PTPN14: variants seen among roughly 807,000 people sequenced by gnomAD.
PTPN14 encodes tyrosine-protein phosphatase non-receptor type 14.
A neutral mutation model predicts 126.8 loss-of-function variants in PTPN14; 53 were observed. The ratio of observed to expected loss-of-function variants is 0.42; its 90% CI spans 0.34 to 0.53. PTPN14 has a LOEUF of 0.53. Ranked by LOEUF, PTPN14 falls within the 20% of genes least tolerant of loss-of-function variation. PTPN14 has a pLI of 0.08. For synonymous variants in PTPN14, 630 were observed against 599.3 expected (o/e 1.05, Z -0.75); for missense variants, 1,257 against 1,552.9 (o/e 0.81, Z 3.20).
At chr1:214,536,426 T>G (rs1366694445) in intron 1 of PTPN14, among the ~76,000 whole-genome samples, 2 of 151,262 alleles carry the variant, frequency 1.3e-5, no homozygotes, top group Non-Finnish European at 2.9e-5. Context: ...TAATTAGTTT[T>G]TTAAAAAATA....
At chr1:214,401,550 A>T (rs1355453284) in intron 7 of PTPN14, 135 bp downstream of exon 7, 1 of 728,752 alleles carries the variant, frequency 1.4e-6, no homozygotes, top group African/African-American at 1.8e-5. Context: ...ATCTATAATA[A>T]ATTGGACTTG....
At chr1:214,363,917 C>T (rs1658011155) in intron 18 of PTPN14, among the ~76,000 whole-genome samples, 1 of 152,214 alleles carries the variant, frequency 6.6e-6, no homozygotes, top group Non-Finnish European at 1.5e-5. Context: ...TGCACAGGCT[C>T]AGCAGCACCC....
At chr1:214,442,820 C>CTTTTTTTTTTTT (rs61357323) in intron 3 of PTPN14, among the ~76,000 whole-genome samples, 2 of 140,140 alleles carry the variant, frequency 1.4e-5, no homozygotes, top group Non-Finnish European at 1.6e-5. Context: ...GCATAGCTTT[C>CTTTTTTTTTTTT]TTTTTTTTTT....
At position 214,429,014 on chromosome 1, in the gene PTPN14, G is replaced by A. The variant is rs145625108; in HGVS notation, c.345-14288C>T. Among the ~76,000 whole-genome samples, 636 of 152,236 alleles carry A rather than the reference G, an allele frequency of 4.2e-3. 2 individuals are homozygous for A. The highest frequency in any genetic ancestry group is 0.015 in the African/African-American group (617 of 41,536). On this transcript the variant is annotated intron_variant, in intron 3 of 18. Coordinates refer to ENST00000366956, the MANE Select transcript of PTPN14 (RefSeq NM_005401.5). ...TGAAAACTCACCTAGAGCCACCACC[G>A]ACTTTACATTAGTAAACTAAGTCCA...
chr1:214,356,946 GATC>G lies in PTPN14; in HGVS notation c.*973_*975del, dbSNP rs1478983762. On this transcript the variant is annotated 3_prime_UTR_variant, in exon 19 of 19. Transcript: ENST00000366956. ...ACATCTTATTTAAATAAAAAACAAT[GATC>G]ATCAAGGCCCTGCCTGAAAAACACA... 6.6e-6 allele frequency: 1 copy of G among 152,178 alleles called. No homozygotes were observed. The highest frequency in any genetic ancestry group is 1.5e-5 in the Non-Finnish European group (1 of 68,068). 9.4% of individuals were successfully genotyped at this position (152,178 alleles called of 1,614,324 possible).
chr1:214,423,360 A>T (rs771522034), intron 3 of PTPN14, among the ~76,000 whole-genome samples: 2 of 152,132 alleles, frequency 1.3e-5, no homozygotes, highest in Non-Finnish European at 2.9e-5. Flanking sequence ...GATAAGAAAA[A>T]GAAATTCCCA....
intron 11 of PTPN14, 74 bp from the exon 12 acceptor site, chr1:214,386,996 C>A: frequency 7.3e-7 from 1 of 1,369,072 alleles, no homozygotes; most frequent in Non-Finnish European, 1.0e-6. Context: ...CCGGCCCAGG[C>A]ACACGGCAGT....
At chr1:214,448,335 A>AT (rs1660192344) in intron 3 of PTPN14, among the ~76,000 whole-genome samples, 1 of 151,342 alleles carries the variant, frequency 6.6e-6, no homozygotes, top group African/African-American at 2.4e-5. Context: ...GGTTCACGCC[A>AT]TTCTCCTGCC....
intron 1 of PTPN14, among the ~76,000 whole-genome samples, chr1:214,544,196 T>C (rs981452387): frequency 6.6e-6 from 1 of 152,120 alleles, no homozygotes; most frequent in African/African-American, 2.4e-5. Flanking sequence ...GAAGCCAAAG[T>C]AGGAGGATCG....
chr1:214,532,755 C>A, intron 1 of PTPN14: 1 of 796,094 alleles, frequency 1.3e-6, no homozygotes, highest in Non-Finnish European at 2.2e-6. Flanking sequence ...CTGATGACAC[C>A]AATGTCACTT....
chr1:214,451,465 G>A (rs890496662), intron 3 of PTPN14, among the ~76,000 whole-genome samples: 1 of 152,050 alleles, frequency 6.6e-6, no homozygotes, highest in Admixed American at 6.6e-5. Flanking sequence ...ACCACGCCTG[G>A]CCAGGTCATT....
At chr1:214,448,058 CTT>C in intron 3 of PTPN14, among the ~76,000 whole-genome samples, 1 of 152,232 alleles carries the variant, frequency 6.6e-6, no homozygotes, top group Non-Finnish European at 1.5e-5. Context: ...ATACCTCCCT[CTT>C]TGAAATTTAA....
At chr1:214,483,696 C>T (rs149397330) in intron 1 of PTPN14, among the ~76,000 whole-genome samples, 44 of 152,284 alleles carry the variant, frequency 2.9e-4, no homozygotes, top group African/African-American at 9.1e-4. Context: ...GACACTCACT[C>T]CCTCATATAC....
At chr1:214,547,663 T>C (rs1656005276) in intron 1 of PTPN14, among the ~76,000 whole-genome samples, 1 of 152,212 alleles carries the variant, frequency 6.6e-6, no homozygotes, top group Admixed American at 6.5e-5. Flanking sequence ...GACAGAGTTA[T>C]CCTAACATTC....
At position 214,494,134 on chromosome 1, in the gene PTPN14, G is replaced by A. The variant is rs371988803; in HGVS notation, c.-154-29177C>T. On this transcript the variant is annotated intron_variant, in intron 1 of 18. Transcript: ENST00000366956. Reference sequence around the variant, plus strand: ...CGCCCAGGCTGGAGTGCAGTGGCGCGATCTCAGCTCACTGCAAGCTCCGCC... The same window carrying A: ...CGCCCAGGCTGGAGTGCAGTGGCGCAATCTCAGCTCACTGCAAGCTCCGCC... Among the ~76,000 whole-genome samples, 38 of 151,932 alleles carry A rather than the reference G, an allele frequency of 2.5e-4. 1 individual carries two copies. The South Asian group carries it at 5.8e-3, about 23-fold the overall frequency.
chr1:214,393,642 T>C (rs1403659339), intron 10 of PTPN14, 53 bp downstream of exon 10: 1 of 1,374,176 alleles, frequency 7.3e-7, no homozygotes, highest in African/African-American at 1.5e-5. Flanking sequence ...CAAAAGGACA[T>C]TAATTTAATC....
At chr1:214,528,536 T>C (rs954780338) in intron 1 of PTPN14, 8 of 152,222 alleles carry the variant, frequency 5.3e-5, no homozygotes, top group African/African-American at 1.9e-4. Flanking sequence ...TGATTACAGT[T>C]ATATAATTAA....
At chr1:214,380,531 G>T (rs1391547564) in intron 13 of PTPN14, among the ~76,000 whole-genome samples, 2 of 152,198 alleles carry the variant, frequency 1.3e-5, no homozygotes, top group African/African-American at 4.8e-5. Context: ...GAAGCAGTAG[G>T]AGCCAGAATG....
chr1:214,473,443 T>C (rs997553455), intron 1 of PTPN14, among the ~76,000 whole-genome samples: 5 of 152,232 alleles, frequency 3.3e-5, no homozygotes, highest in African/African-American at 1.2e-4. Flanking sequence ...TATGTATACT[T>C]AACTCTTTAT....
Sources: allele counts gnomAD v4.1 joint callset (sites outside exome capture counted in the v4.1 genomes callset), GRCh38; gene constraint gnomAD v4.1.1; transcripts MANE v1.5; gene names NCBI Gene and HGNC (gene_info 2026-07-23, HGNC 2026-07-21).